The following SLC35G2 variants were observed in gnomAD, a reference collection of about 807,000 sequenced individuals.
SLC35G2 encodes the protein transmembrane protein 22.
In SLC35G2, 20 loss-of-function variants were observed where a neutral mutation model predicts 27.2. The observed-to-expected ratio is 0.74, with a 90% CI of 0.52 to 1.07. The LOEUF (loss-of-function observed/expected upper bound fraction) is 1.07, where lower values mean the gene tolerates loss of function less well. Among genes scored for constraint, SLC35G2 ranks in the 50% least tolerant of loss-of-function variants. The pLI, the probability that SLC35G2 is intolerant of heterozygous loss-of-function variation, is 0.00. For synonymous variants in SLC35G2, 148 were observed against 165.3 expected (o/e 0.90, Z 0.80); for missense variants, 416 against 493.3 (o/e 0.84, Z 1.48).
chr3:136,821,528 C>A (rs926839291), intron 1 of SLC35G2, among the ~76,000 whole-genome samples: 1 of 152,116 alleles, frequency 6.6e-6, no homozygotes, highest in Non-Finnish European at 1.5e-5. Context: ...CTCACTGCAA[C>A]CTCTGCCTCC....
At chr3:136,833,209 A>G (rs1254686280) in intron 1 of SLC35G2, among the ~76,000 whole-genome samples, 1 of 152,066 alleles carries the variant, frequency 6.6e-6, no homozygotes, top group African/African-American at 2.4e-5. Flanking sequence ...TTAGATGAGG[A>G]GGGTAGGGAA....
intron 1 of SLC35G2, 88 bp downstream of exon 1, chr3:136,819,716 G>T (rs1936397550): frequency 6.6e-6 from 1 of 152,248 alleles, no homozygotes; most frequent in Non-Finnish European, 1.5e-5. Context: ...CCAAGAATTT[G>T]TATTTTCCAT....
rs1937932456 is a variant in SLC35G2 at position 136,855,142 on chromosome 3, T to C, written c.682T>C (p.Cys228Arg). Reference protein sequence around the residue: ...MAYVDMATVVCSILGVCLVMI... With the variant: ...MAYVDMATVVRSILGVCLVMI... ...TTATGTTGACATGGCTACAGTTGTTTGCAGCATCTTAGGTGTTTGTCTTGT... is the reference window on the plus strand; with the variant it reads ...TTATGTTGACATGGCTACAGTTGTTCGCAGCATCTTAGGTGTTTGTCTTGT... The change falls in exon 2 of 2, where the codon TGC becomes CGC. Residue 228 changes from cysteine (C) to arginine (R), a missense_variant. By Grantham distance (180) the Cys-to-Arg change is radical. Coordinates refer to ENST00000446465, the MANE Select transcript of SLC35G2 (RefSeq NM_025246.3). The C allele has an allele frequency of 1.9e-6, 3 of 1,614,098 alleles. No individual in the cohort carries two copies. Among genetic ancestry groups the C allele is most frequent in the Admixed American group, 1.7e-5 (1 of 60,014 alleles).
chr3:136,823,172 C>T (rs982115587), intron 1 of SLC35G2, among the ~76,000 whole-genome samples: 1 of 152,166 alleles, frequency 6.6e-6, no homozygotes, highest in African/African-American at 2.4e-5. Flanking sequence ...TGATGTTGAG[C>T]AGCTTTTCAT....
intron 1 of SLC35G2, chr3:136,820,075 A>C (rs942562324): frequency 6.6e-6 from 1 of 152,302 alleles, no homozygotes. Context: ...ATGAAGGCTC[A>C]GCGCGGACCT....
At chr3:136,821,296 G>C (rs1267864715) in intron 1 of SLC35G2, among the ~76,000 whole-genome samples, 3 of 151,860 alleles carry the variant, frequency 2.0e-5, no homozygotes. Flanking sequence ...ATAAAACTAG[G>C]TCATCATTAT....
chr3:136,820,127 G>A (rs904932703), intron 1 of SLC35G2: 12 of 152,262 alleles, frequency 7.9e-5, no homozygotes, highest in Non-Finnish European at 2.9e-5. Context: ...TCCGCGAGGA[G>A]CGAGGCGGAA....
In SLC35G2 at chr3:136,819,141, C is replaced by G. The variant is rs1290918859; in HGVS notation, c.-506C>G. The G allele has an allele frequency of 6.6e-6, 1 of 152,152 alleles. No individual in the cohort carries two copies. Among genetic ancestry groups the G allele is most frequent in the Non-Finnish European group, 1.5e-5 (1 of 68,018 alleles). The allele number at this position is 152,152 out of a possible 1,614,324, so 9.4% of individuals were successfully genotyped here. On this transcript the variant is annotated 5_prime_UTR_variant, in exon 1 of 2. Transcript: ENST00000446465. ...CCTCCGCAGTACTCCGGGCAGCGCC[C>G]GCCTCGATTTTCCCAGGCGAGGGCA... is the stretch of plus-strand genomic sequence containing the variant.
At position 136,855,212 on chromosome 3, in the gene SLC35G2, C is replaced by T; in HGVS notation, c.752C>T (p.Ala251Val). The change falls in exon 2 of 2, where the codon GCC (alanine) becomes GTC (valine). Residue 251 changes from alanine to valine, a missense_variant. Coordinates refer to ENST00000446465, the MANE Select transcript of SLC35G2 (RefSeq NM_025246.3). Reference sequence around the variant, plus strand: ...GATGAAGACAATTCTTTGTTAAATGCCTGGAAAGAAGCCTTTGGGTACACC... The same window carrying T: ...GATGAAGACAATTCTTTGTTAAATGTCTGGAAAGAAGCCTTTGGGTACACC... The part of the protein sequence containing the change: ...IVDEDNSLLN[A>V]WKEAFGYTMT... 1 of 1,614,136 alleles carries T rather than the reference C, an allele frequency of 6.2e-7. No individual in the cohort carries two copies. Among genetic ancestry groups the T allele is most frequent in the Non-Finnish European group, 8.5e-7 (1 of 1,180,012 alleles).
chr3:136,821,516 C>T (rs1408516349), intron 1 of SLC35G2, among the ~76,000 whole-genome samples: 7 of 152,030 alleles, frequency 4.6e-5, no homozygotes, highest in African/African-American at 7.2e-5. Flanking sequence ...ACGTGCTCTC[C>T]GCTCACTGCA....
intron 1 of SLC35G2, among the ~76,000 whole-genome samples, chr3:136,844,135 T>C (rs1000002543): frequency 6.6e-6 from 1 of 152,074 alleles, no homozygotes; most frequent in Non-Finnish European, 1.5e-5. Flanking sequence ...GAGGTTGCAG[T>C]GAGCCGAGAT....
intron 1 of SLC35G2, 92 bp from the exon 2 acceptor site, chr3:136,854,351 C>A: frequency 3.6e-6 from 3 of 843,728 alleles, no homozygotes; most frequent in Non-Finnish European, 5.4e-6. Context: ...ACAGCCTCTA[C>A]TTTCTATCAT....
At chr3:136,850,030 C>T (rs1459725141) in intron 1 of SLC35G2, among the ~76,000 whole-genome samples, 1 of 152,094 alleles carries the variant, frequency 6.6e-6, no homozygotes, top group African/African-American at 2.4e-5. Context: ...TCTCTTGAAG[C>T]CGGGAGGTGG....
At chr3:136,851,496 CAA>C (rs11427657) in intron 1 of SLC35G2, among the ~76,000 whole-genome samples, 1 of 66,506 alleles carries the variant, frequency 1.5e-5, no homozygotes, top group African/African-American at 5.2e-5. Context: ...GACTCCGTCT[CAA>C]AAAAAAAAAA....
chr3:136,828,143 A>G (rs547430949), intron 1 of SLC35G2, among the ~76,000 whole-genome samples: 1 of 152,222 alleles, frequency 6.6e-6, no homozygotes, highest in Admixed American at 6.5e-5. Context: ...ATGTTTTAAG[A>G]CTTGTTTTGT....
chr3:136,851,152 G>A (rs1336484230), intron 1 of SLC35G2, among the ~76,000 whole-genome samples: 1 of 152,044 alleles, frequency 6.6e-6, no homozygotes, highest in African/African-American at 2.4e-5. Flanking sequence ...GGCTAGAGGT[G>A]AGGAAAGGCC....
chr3:136,826,533 G>A (rs1936590420), intron 1 of SLC35G2, among the ~76,000 whole-genome samples: 5 of 152,046 alleles, frequency 3.3e-5, no homozygotes, highest in Admixed American at 3.3e-4. Flanking sequence ...CATTTCCTTT[G>A]GATTTTCCAA....
chr3:136,843,859 A>C (rs1937227189), intron 1 of SLC35G2, among the ~76,000 whole-genome samples: 1 of 152,080 alleles, frequency 6.6e-6, no homozygotes, highest in African/African-American at 2.4e-5. Context: ...CCTTGAACCC[A>C]GGAGGTGGAG....
At chr3:136,844,260 C>T (rs984874326) in intron 1 of SLC35G2, among the ~76,000 whole-genome samples, 10 of 151,702 alleles carry the variant, frequency 6.6e-5, no homozygotes, top group African/African-American at 1.5e-4. Context: ...GAGGCCGAGG[C>T]GGGCGGATCA....
Sources: gnomAD v4.1 joint callset for allele counts (sites outside exome capture counted in the v4.1 genomes callset) on GRCh38, gnomAD v4.1.1 for gene constraint, MANE v1.5 for transcripts, NCBI Gene and HGNC (gene_info 2026-07-23, HGNC 2026-07-21) for gene names.